The following DCLRE1C variants were observed in gnomAD, a reference collection of about 807,000 sequenced individuals.
DCLRE1C encodes protein artemis.
In DCLRE1C, 47 loss-of-function variants were observed where a neutral mutation model predicts 61.4. That is an observed-to-expected ratio of 0.77 (90% confidence interval 0.61 to 0.98). DCLRE1C has a LOEUF of 0.98. Among genes scored for constraint, DCLRE1C ranks in the 50% least tolerant of loss-of-function variants. The pLI, the probability that DCLRE1C is intolerant of heterozygous loss-of-function variation, is 0.00. For missense variants in DCLRE1C, 858 were observed against 816.0 expected, an observed-to-expected ratio of 1.05 and a Z score of -0.63; for synonymous variants, 337 against 287.6, an observed-to-expected ratio of 1.17 and a Z score of -1.74.
At position 14,931,435 on chromosome 10, in the gene DCLRE1C, G is replaced by A. The variant is rs1838970777; in HGVS notation, c.780+1419C>T. Among the ~76,000 whole-genome samples, 3 of 152,236 alleles carry A rather than the reference G, an allele frequency of 2.0e-5. No individual in the cohort carries two copies. The South Asian group carries it at 6.2e-4, about 32-fold the overall frequency. ...TACCCAGGTGTGGTAGCGGGAGCCT[G>A]TAATCTCAGCTACTCGGGAGGCTGA... On this transcript the variant is annotated intron_variant, in intron 9 of 13. Coordinates refer to ENST00000378278, the MANE Select transcript of DCLRE1C (RefSeq NM_001033855.3).
intron 2 of DCLRE1C, 84 bp from the exon 3 acceptor site, chr10:14,945,273 T>C: frequency 6.9e-7 from 1 of 1,448,186 alleles, no homozygotes; most frequent in Non-Finnish European, 9.4e-7. Context: ...ATCATACATC[T>C]AATAATTTCA....
intron 11 of DCLRE1C, 164 bp from the exon 12 acceptor site, chr10:14,923,233 T>C: frequency 1.6e-6 from 1 of 633,008 alleles, no homozygotes; most frequent in Admixed American, 2.2e-5. Flanking sequence ...GAAAAAAATA[T>C]CCAATGCCTG....
chr10:14,935,668 T>C (rs1839791112), intron 5 of DCLRE1C, 104 bp from the exon 6 acceptor site: 2 of 1,122,194 alleles, frequency 1.8e-6, no homozygotes, highest in Non-Finnish European at 1.3e-6. Context: ...AACATATCCA[T>C]TACAATACAA....
chr10:14,916,753 T>A (rs561691830), intron 13 of DCLRE1C, among the ~76,000 whole-genome samples: 2 of 152,288 alleles, frequency 1.3e-5, no homozygotes, highest in African/African-American at 2.4e-5. Flanking sequence ...CTGAGAGAAA[T>A]TAGAGCAGAC....
chr10:14,916,287 A>G (rs1412543350), intron 13 of DCLRE1C, among the ~76,000 whole-genome samples: 1 of 152,234 alleles, frequency 6.6e-6, no homozygotes, highest in Non-Finnish European at 1.5e-5. Context: ...AGGAAGAAGC[A>G]AAACTGTCTA....
rs1838520538 is a variant in DCLRE1C, at chr10:14,929,052, T to A, written c.781-900A>T. Among the ~76,000 whole-genome samples the A allele has an allele frequency of 2.0e-5, 3 of 152,296 alleles. No homozygotes were observed. In the South Asian group the frequency reaches 6.2e-4, roughly 32 times the overall value. ...ACCTTGGCCTCCTAAACTGTTGGAA[T>A]TACAGGCGAGAGCCACTGGGCCCAG... On this transcript the variant is annotated intron_variant, in intron 9 of 13. Coordinates refer to ENST00000378278, the MANE Select transcript of DCLRE1C (RefSeq NM_001033855.3).
Position 14,945,143 on chromosome 10 carries a change from A to G in DCLRE1C, c.208T>C (p.Leu70=). The part of the protein sequence containing the change: ...YCSPVTKELL[L]TSPKYRFWKK... Reference sequence around the variant, plus strand: ...CAAAATCTGTATTTCGGGCTCGTTAACAACAACTCCTTAGTCACAGGTGAA... The same window carrying G: ...CAAAATCTGTATTTCGGGCTCGTTAGCAACAACTCCTTAGTCACAGGTGAA... Residue 70 remains leucine (L), a synonymous_variant, in exon 3 of 14, where the codon TTA becomes CTA. Transcript: ENST00000378278. 6.2e-7 allele frequency: 1 copy of G among 1,613,086 alleles called. No homozygotes were observed. Among genetic ancestry groups the G allele is most frequent in the East Asian group, 2.2e-5 (1 of 44,820 alleles).
At chr10:14,935,358 T>G in intron 6 of DCLRE1C, 105 bp downstream of exon 6, 1 of 1,265,004 alleles carries the variant, frequency 7.9e-7, no homozygotes, top group South Asian at 1.3e-5. Context: ...CCCAGCTACT[T>G]GGGAGGCTGA....
At chr10:14,926,424 GCAGA>G (rs1837983791) in intron 11 of DCLRE1C, among the ~76,000 whole-genome samples, 2 of 152,138 alleles carry the variant, frequency 1.3e-5, no homozygotes, top group South Asian at 4.1e-4. Flanking sequence ...GGAGGCCAAG[GCAGA>G]CGGATTACCT....
chr10:14,899,147 C>T, exon 14 of DCLRE1C: 3 of 692,364 alleles, frequency 4.3e-6, no homozygotes, highest in Non-Finnish European at 7.9e-6. Context: ...TAGTGAGACC[C>T]CACATCTCTA....
chr10:14,913,645 T>C (rs1272437504), intron 13 of DCLRE1C, among the ~76,000 whole-genome samples: 1 of 152,162 alleles, frequency 6.6e-6, no homozygotes, highest in African/African-American at 2.4e-5. Flanking sequence ...AGATCAAACA[T>C]ATTTGGAAAA....
At chr10:14,936,380 T>G (rs1484171611) in intron 5 of DCLRE1C, among the ~76,000 whole-genome samples, 158 bp downstream of exon 5, 1 of 147,576 alleles carries the variant, frequency 6.8e-6, no homozygotes, top group Non-Finnish European at 1.5e-5. Context: ...ACTCCCAAGC[T>G]CAAGCAATCC....
At chr10:14,910,382 A>G (rs1004375883) in intron 13 of DCLRE1C, among the ~76,000 whole-genome samples, 1 of 152,136 alleles carries the variant, frequency 6.6e-6, no homozygotes, top group Non-Finnish European at 1.5e-5. Context: ...GTCCCTCACT[A>G]CTATGCCAAA....
downstream of DCLRE1C, among the ~76,000 whole-genome samples, chr10:14,900,638 T>C (rs1833942019): frequency 1.3e-5 from 2 of 152,248 alleles, no homozygotes; most frequent in South Asian, 4.1e-4. Context: ...GTAAGTTTAC[T>C]GTAGTATTCT....
Position 14,906,823 on chromosome 10 carries a change from T to G in DCLRE1C, c.*1585A>C, listed in dbSNP as rs146816272. ...ATACATAACACAAAAGCCTAACACA[T>G]TGATGGACTTCAAGAATGTTGAATG... On this transcript the variant is annotated 3_prime_UTR_variant, in exon 14 of 14. Transcript: ENST00000378278. Among the ~76,000 whole-genome samples the G allele has an allele frequency of 3.5e-3, 535 of 152,332 alleles. 4 individuals carry two copies. Among genetic ancestry groups the G allele is most frequent in the African/African-American group, 0.012 (518 of 41,566 alleles).
intron 10 of DCLRE1C, 102 bp downstream of exon 10, chr10:14,927,914 T>A (rs188985012): frequency 2.3e-6 from 2 of 865,092 alleles, no homozygotes; most frequent in Admixed American, 3.1e-5. Context: ...TTATAATATA[T>A]AATTATATTC....
chr10:14,924,921 A>G (rs1247147534), intron 11 of DCLRE1C, among the ~76,000 whole-genome samples: 1 of 152,060 alleles, frequency 6.6e-6, no homozygotes, highest in Non-Finnish European at 1.5e-5. Context: ...GAGAACACAA[A>G]GACTTTTATG....
At chr10:14,910,980 G>A (rs1398442671) in intron 13 of DCLRE1C, among the ~76,000 whole-genome samples, 1 of 152,160 alleles carries the variant, frequency 6.6e-6, no homozygotes, top group Non-Finnish European at 1.5e-5. Flanking sequence ...CTTGATGTGA[G>A]GTGGAAGTGG....
rs1838335259 is a variant in DCLRE1C, at chr10:14,928,157, A to G, written c.781-5T>C. On this transcript the variant is annotated splice_region_variant and splice_polypyrimidine_tract_variant and intron_variant, in intron 9 of 13. Coordinates refer to ENST00000378278, the MANE Select transcript of DCLRE1C (RefSeq NM_001033855.3). ...CCACTGAAAATATTCCTCTGCCTAA[A>G]AAAGATAAAAAGCATAGAAAAACAG... The G allele has an allele frequency of 6.2e-7, 1 of 1,612,654 alleles. No individual in the cohort carries two copies. Among genetic ancestry groups the G allele is most frequent in the African/African-American group, 1.3e-5 (1 of 74,878 alleles).
Sources: allele counts gnomAD v4.1 joint callset (sites outside exome capture counted in the v4.1 genomes callset), GRCh38; gene constraint gnomAD v4.1.1; transcripts MANE v1.5; gene names NCBI Gene and HGNC (gene_info 2026-07-23, HGNC 2026-07-21).